Variants in GDA observed in about 807,000 individuals in gnomAD.
GDA encodes guanine deaminase.
GDA carries 18 observed loss-of-function variants against 59.6 expected under a neutral mutation model. That is an observed-to-expected ratio of 0.30 (90% CI 0.21 to 0.45). The LOEUF (loss-of-function observed/expected upper bound fraction) is 0.45, where lower values mean the gene tolerates loss of function less well. Among genes scored for constraint, GDA ranks in the 20% least tolerant of loss-of-function variants. GDA has a pLI of 1.00. For synonymous variants in GDA, 201 were observed against 201.1 expected, an observed-to-expected ratio of 1.00 and a Z score of 0.00; for missense variants, 427 against 552.3, an observed-to-expected ratio of 0.77 and a Z score of 2.27.
chr9:72,214,109 A>ACTAT, intron 5 of GDA, 118 bp downstream of exon 5: 2 of 638,430 alleles, frequency 3.1e-6, no homozygotes, highest in Non-Finnish European at 2.8e-6. Context: ...ATGTGCACAT[A>ACTAT]GTGACTCAGA....
At chr9:72,128,364 A>T (rs546431877) in intron 1 of GDA, among the ~76,000 whole-genome samples, 2 of 152,246 alleles carry the variant, frequency 1.3e-5, no homozygotes, top group South Asian at 4.1e-4. Flanking sequence ...TGTGTTGGGC[A>T]GCTTTCTTAT....
chr9:72,144,747 A>G (rs927004164), upstream of GDA, among the ~76,000 whole-genome samples: 2 of 152,176 alleles, frequency 1.3e-5, no homozygotes, highest in African/African-American at 4.8e-5. Flanking sequence ...TGCTGCCTCT[A>G]TGGATAGGCA....
chr9:72,165,321 A>G (rs1829165069), intron 1 of GDA, among the ~76,000 whole-genome samples: 1 of 152,196 alleles, frequency 6.6e-6, no homozygotes, highest in Non-Finnish European at 1.5e-5. Context: ...TCATTTTACT[A>G]TTTTATTTCA....
At chr9:72,235,648 G>GATTGCAC (rs1838888418) in intron 10 of GDA, among the ~76,000 whole-genome samples, 1 of 150,662 alleles carries the variant, frequency 6.6e-6, no homozygotes, top group Admixed American at 6.6e-5. Context: ...AGTGAGCCGA[G>GATTGCAC]ATTGCACCAC....
chr9:72,173,514 A>G (rs1207351480), intron 1 of GDA, among the ~76,000 whole-genome samples: 1 of 151,660 alleles, frequency 6.6e-6, no homozygotes, highest in Non-Finnish European at 1.5e-5. Context: ...TATTTTTCGG[A>G]GGGGCAGGAT....
chr9:72,214,099 A>T, intron 5 of GDA, 108 bp downstream of exon 5: 2 of 677,974 alleles, frequency 2.9e-6, no homozygotes, highest in South Asian at 3.5e-5. Flanking sequence ...CCCAGTTGGG[A>T]TGTGCACATA....
intron 2 of GDA, among the ~76,000 whole-genome samples, chr9:72,199,075 C>A (rs1197696719): frequency 6.6e-6 from 1 of 152,102 alleles, no homozygotes; most frequent in Non-Finnish European, 1.5e-5. Context: ...CTTGTAGTAG[C>A]TACAATTTAG....
At chr9:72,138,122 T>C (rs979908937) in intron 1 of GDA, among the ~76,000 whole-genome samples, 16 of 152,152 alleles carry the variant, frequency 1.1e-4, no homozygotes, top group African/African-American at 3.9e-4. Context: ...TTGGCTTCCC[T>C]ATCTTAGTGC....
At chr9:72,125,491 G>A (rs551375091) in intron 1 of GDA, among the ~76,000 whole-genome samples, 1 of 151,882 alleles carries the variant, frequency 6.6e-6, no homozygotes, top group Non-Finnish European at 1.5e-5. Context: ...CAAAGTGCTG[G>A]GATTACAGGC....
At chr9:72,149,734 AGGAACCT>A (rs773871016) in intron 1 of GDA, 52 bp downstream of exon 1, 1 of 1,527,818 alleles carries the variant, frequency 6.5e-7, no homozygotes, top group Non-Finnish European at 8.8e-7. Flanking sequence ...GATAGGTGCA[AGGAACCT>A]GGCGCGGTGC....
At chr9:72,149,824 C>T (rs1003497715) in intron 1 of GDA, 142 bp downstream of exon 1, 11 of 849,390 alleles carry the variant, frequency 1.3e-5, no homozygotes, top group African/African-American at 1.8e-5. Context: ...GTCTTTGGCT[C>T]TTGGGCAACG....
chr9:72,255,047 G>A (rs2131907925), downstream of GDA, among the ~76,000 whole-genome samples: 1 of 152,298 alleles, frequency 6.6e-6, no homozygotes, highest in East Asian at 1.9e-4. Flanking sequence ...TTGGAGCTTT[G>A]CCCAGGAAGG....
chr9:72,158,697 T>C (rs1034682404), intron 1 of GDA, among the ~76,000 whole-genome samples: 1 of 152,154 alleles, frequency 6.6e-6, no homozygotes, highest in African/African-American at 2.4e-5. Context: ...GTTATTCCAA[T>C]TTGCCTTTGA....
chr9:72,174,777 G>GAGAC (rs1010821716), intron 1 of GDA, among the ~76,000 whole-genome samples: 3 of 151,814 alleles, frequency 2.0e-5, no homozygotes, highest in Admixed American at 1.3e-4. Context: ...GAGAGAGAGA[G>GAGAC]AGACAGACAG....
At chr9:72,171,165 C>T (rs1035434376) in intron 1 of GDA, among the ~76,000 whole-genome samples, 10 of 152,058 alleles carry the variant, frequency 6.6e-5, no homozygotes, top group East Asian at 1.9e-4. Context: ...ATACTTTCTC[C>T]GGCTATTGTA....
In GDA at chr9:72,154,449, A is replaced by C; in HGVS notation, c.123+4767A>C. On this transcript the variant is annotated intron_variant, in intron 1 of 13. Transcript: ENST00000358399. ...CCTCTTGCTCACTGTGATATTTTGC[A>C]TGTTTTCACATGGTGACATGCCAAG... 1.3e-5 allele frequency among the ~76,000 whole-genome samples: 2 copies of C among 152,152 alleles called. 1 individual carries two copies. The highest frequency in any genetic ancestry group is 2.9e-5 in the Non-Finnish European group (2 of 68,024).
At chr9:72,237,122 C>T (rs1839097442) in intron 10 of GDA, among the ~76,000 whole-genome samples, 1 of 152,154 alleles carries the variant, frequency 6.6e-6, no homozygotes, top group Non-Finnish European at 1.5e-5. Context: ...TGCTCCTGCT[C>T]CACCTGTCTG....
chr9:72,132,092 T>C (rs1450522125), intron 1 of GDA, among the ~76,000 whole-genome samples: 1 of 152,148 alleles, frequency 6.6e-6, no homozygotes, highest in Admixed American at 6.6e-5. Context: ...TACCTGCCCC[T>C]ATAATTTAAT....
At chr9:72,131,773 T>C (rs1440043429) in intron 1 of GDA, among the ~76,000 whole-genome samples, 1 of 152,112 alleles carries the variant, frequency 6.6e-6, no homozygotes, top group Non-Finnish European at 1.5e-5. Context: ...GGTTAAGTCA[T>C]AAAGTAACTG....
Sources: gnomAD v4.1 joint callset for allele counts (sites outside exome capture counted in the v4.1 genomes callset) on GRCh38, gnomAD v4.1.1 for gene constraint, MANE v1.5 for transcripts, NCBI Gene and HGNC (gene_info 2026-07-23, HGNC 2026-07-21) for gene names.